Variants in NDUFS4 observed in about 807,000 individuals in gnomAD.
NDUFS4 encodes NADH:ubiquinone oxidoreductase subunit S4, also known as NADH dehydrogenase [ubiquinone] iron-sulfur protein 4, mitochondrial.
Under a neutral mutation model 24.3 loss-of-function variants are expected in NDUFS4, and 28 were observed. The observed-to-expected ratio is 1.15, with a 90% CI of 0.85 to 1.58. The LOEUF is 1.58. Ranked by LOEUF, NDUFS4 falls within the 40% of genes most tolerant of loss-of-function variation. NDUFS4 has a pLI of 0.00. For missense variants in NDUFS4, 223 were observed against 207.9 expected (o/e 1.07, Z -0.45); for synonymous variants, 93 against 69.7 (o/e 1.34, Z -1.67).
At chr5:53,676,912 A>T (rs1330749165) in intron 4 of NDUFS4, among the ~76,000 whole-genome samples, 1 of 152,130 alleles carries the variant, frequency 6.6e-6, no homozygotes, top group Non-Finnish European at 1.5e-5. Context: ...TAGCTAGGGA[A>T]GTACTGCTAA....
chr5:53,565,438 T>A (rs1290303856), intron 1 of NDUFS4, among the ~76,000 whole-genome samples: 1 of 152,206 alleles, frequency 6.6e-6, no homozygotes, highest in Non-Finnish European at 1.5e-5. Flanking sequence ...CATTTTTGTT[T>A]ATTTGTGTGT....
chr5:53,627,148 C>T (rs916187745), intron 2 of NDUFS4, among the ~76,000 whole-genome samples: 2 of 152,132 alleles, frequency 1.3e-5, no homozygotes, highest in African/African-American at 4.8e-5. Flanking sequence ...ATCCTTTCCC[C>T]ATTGCGTGTT....
chr5:53,655,366 AT>A (rs562996240), intron 3 of NDUFS4, among the ~76,000 whole-genome samples: 5,114 of 117,274 alleles, frequency 0.044, 251 homozygotes, highest in African/African-American at 0.13. Flanking sequence ...AGTTTTGCCT[AT>A]TTTTTTTTTT....
At chr5:53,635,360 A>G (rs1298248360) in intron 2 of NDUFS4, among the ~76,000 whole-genome samples, 1 of 151,750 alleles carries the variant, frequency 6.6e-6, no homozygotes, top group Non-Finnish European at 1.5e-5. Context: ...AAAAAAAAAA[A>G]ATGCAAAAAA....
At chr5:53,671,622 T>C (rs769711754) in intron 4 of NDUFS4, among the ~76,000 whole-genome samples, 8 of 152,150 alleles carry the variant, frequency 5.3e-5, no homozygotes, top group Non-Finnish European at 8.8e-5. Context: ...GTTCTTTGTG[T>C]ACTAAAAAGA....
intron 2 of NDUFS4, among the ~76,000 whole-genome samples, chr5:53,617,985 C>G (rs1750899721): frequency 6.6e-6 from 1 of 152,006 alleles, no homozygotes; most frequent in African/African-American, 2.4e-5. Context: ...CAACACTAAA[C>G]AAGAGGAGAG....
rs1402434222 is a variant in NDUFS4, at chr5:53,597,132, A to C, written c.99-6320A>C. ...AGAGGTTTCATGTCCAACATACCTC[A>C]CCCACATGGCTGGCAAAGTGCTATT... On this transcript the variant is annotated intron_variant, in intron 1 of 4. Coordinates refer to ENST00000296684, the MANE Select transcript of NDUFS4 (RefSeq NM_002495.4). 3.9e-5 allele frequency among the ~76,000 whole-genome samples: 6 copies of C among 152,238 alleles called. No individual in the cohort carries two copies. The East Asian group carries it at 1.2e-3, about 29-fold the overall frequency.
chr5:53,592,146 T>G (rs191151704), intron 1 of NDUFS4, among the ~76,000 whole-genome samples: 26 of 152,174 alleles, frequency 1.7e-4, no homozygotes, highest in African/African-American at 5.5e-4. Context: ...TGTGGCAGAT[T>G]TCACCATGTT....
At chr5:53,628,202 G>C (rs1751288719) in intron 2 of NDUFS4, among the ~76,000 whole-genome samples, 1 of 152,154 alleles carries the variant, frequency 6.6e-6, no homozygotes, top group African/African-American at 2.4e-5. Flanking sequence ...TGCATATGTT[G>C]AACCAGCCTT....
At chr5:53,657,033 ATATG>A (rs1431244173) in intron 3 of NDUFS4, among the ~76,000 whole-genome samples, 2 of 152,166 alleles carry the variant, frequency 1.3e-5, no homozygotes, top group African/African-American at 4.8e-5. Context: ...TTTGATTTCT[ATATG>A]TATGTATTCA....
At chr5:53,567,715 C>T (rs1749082057) in intron 1 of NDUFS4, among the ~76,000 whole-genome samples, 1 of 152,058 alleles carries the variant, frequency 6.6e-6, no homozygotes, top group Non-Finnish European at 1.5e-5. Context: ...GTCTGCTTCC[C>T]TTTAGCAGTT....
intron 4 of NDUFS4, among the ~76,000 whole-genome samples, chr5:53,667,774 G>A (rs553477830): frequency 2.6e-5 from 4 of 152,276 alleles, no homozygotes; most frequent in African/African-American, 9.6e-5. Context: ...TTCCACAGTG[G>A]TCTACATCAC....
chr5:53,603,550 C>G lies in NDUFS4; in HGVS notation c.177+20C>G. ...AAATTGGTAAGGATTTTCTACTACA[C>G]ACTGCTATGGTTCTGCCTTCAGGGT... is the stretch of plus-strand genomic sequence containing the variant. On this transcript the variant is annotated intron_variant, in intron 2 of 4. Coordinates refer to ENST00000296684, the MANE Select transcript of NDUFS4 (RefSeq NM_002495.4). The G allele has an allele frequency of 6.3e-7, 1 of 1,582,134 alleles. No homozygotes were observed. Among genetic ancestry groups the G allele is most frequent in the Non-Finnish European group, 8.7e-7 (1 of 1,151,266 alleles).
At position 53,573,147 on chromosome 5, in the gene NDUFS4, T is replaced by A. The variant is rs555925869; in HGVS notation, c.98+12387T>A. ...CCACCATGCCTCGCTAATTTTTATATTTTTTTTGTAGACATGGGTGTCTCC... is the reference window on the plus strand; with the variant it reads ...CCACCATGCCTCGCTAATTTTTATAATTTTTTTGTAGACATGGGTGTCTCC... On this transcript the variant is annotated intron_variant, in intron 1 of 4. Coordinates refer to ENST00000296684, the MANE Select transcript of NDUFS4 (RefSeq NM_002495.4). 3.3e-5 allele frequency among the ~76,000 whole-genome samples: 5 copies of A among 150,958 alleles called. 1 individual carries two copies. In the South Asian group the frequency reaches 1.1e-3, roughly 33 times the overall value.
chr5:53,589,882 A>G (rs1749887737), intron 1 of NDUFS4, among the ~76,000 whole-genome samples: 1 of 152,126 alleles, frequency 6.6e-6, no homozygotes, highest in African/African-American at 2.4e-5. Flanking sequence ...TCAGACTCCA[A>G]GTTCTTCATT....
intron 2 of NDUFS4, among the ~76,000 whole-genome samples, chr5:53,629,239 A>C (rs2112487601): frequency 6.6e-6 from 1 of 152,286 alleles, no homozygotes; most frequent in Middle Eastern, 3.4e-3. Context: ...CTATGGTCTG[A>C]GAGACAGTTT....
intron 4 of NDUFS4, among the ~76,000 whole-genome samples, chr5:53,675,015 C>G (rs1740410627): frequency 6.6e-6 from 1 of 151,860 alleles, no homozygotes. Context: ...TTTTTAAGTA[C>G]TCTTAAAAAG....
chr5:53,607,465 A>C (rs1273128008), intron 2 of NDUFS4, among the ~76,000 whole-genome samples: 1 of 152,188 alleles, frequency 6.6e-6, no homozygotes, highest in Non-Finnish European at 1.5e-5. Flanking sequence ...TAAAATTAAA[A>C]ATTGAAATTC....
In NDUFS4 at chr5:53,661,621, TC is replaced by T. The variant is rs1417260864; in HGVS notation, c.424+2999del. ...TGGCCATTTTCACGATATTGATTCT[TC>T]CTACCCATGAGCATGGAATGTTCTT... On this transcript the variant is annotated intron_variant, in intron 4 of 4. Coordinates refer to ENST00000296684, the MANE Select transcript of NDUFS4 (RefSeq NM_002495.4). Among the ~76,000 whole-genome samples, 3 of 152,342 alleles carry T rather than the reference TC, an allele frequency of 2.0e-5. No homozygotes were observed. The East Asian group carries it at 5.8e-4, about 29-fold the overall frequency.
Sources: allele counts gnomAD v4.1 joint callset (sites outside exome capture counted in the v4.1 genomes callset), GRCh38; gene constraint gnomAD v4.1.1; transcripts MANE v1.5; gene names NCBI Gene and HGNC (gene_info 2026-07-23, HGNC 2026-07-21).